FOXO3: variants seen among roughly 807,000 people sequenced by gnomAD.
FOXO3 encodes the protein forkhead box O3, also known as forkhead box protein O3.
In FOXO3, 4 loss-of-function variants were observed where a neutral mutation model predicts 41.9. That is an observed-to-expected ratio of 0.10 (90% confidence interval 0.05 to 0.22). The LOEUF (loss-of-function observed/expected upper bound fraction) is 0.22. Among genes scored for constraint, FOXO3 ranks in the 10% least tolerant of loss-of-function variants. The pLI, the probability that FOXO3 is intolerant of heterozygous loss-of-function variation, is 1.00. For missense variants in FOXO3, 534 were observed against 906.8 expected, an observed-to-expected ratio of 0.59 and a Z score of 5.28; for synonymous variants, 318 against 389.3, an observed-to-expected ratio of 0.82 and a Z score of 2.16.
rs905630237 is a variant in FOXO3, at chr6:108,664,870, A to G, written c.*15A>G. The stretch of plus-strand genomic sequence containing the variant: ...TGCCAGGCTGAAGGATCACTGAGGA[A>G]GGGGAAGTGGGCAAAGCAGGTCAGT... On this transcript the variant is annotated 3_prime_UTR_variant, in exon 2 of 3. Transcript: ENST00000406360. The G allele has an allele frequency of 1.9e-6, 3 of 1,594,658 alleles. No individual in the cohort carries two copies. Among genetic ancestry groups the G allele is most frequent in the Non-Finnish European group, 8.5e-7 (1 of 1,170,052 alleles).
upstream of FOXO3, among the ~76,000 whole-genome samples, chr6:108,560,566 T>G (rs1775744213): frequency 6.7e-6 from 1 of 150,052 alleles, no homozygotes; most frequent in East Asian, 2.0e-4. Flanking sequence ...TTCGACCGGG[T>G]GGGGGGTGAC....
At chr6:108,579,455 G>A (rs1047862999) in intron 1 of FOXO3, among the ~76,000 whole-genome samples, 2 of 152,186 alleles carry the variant, frequency 1.3e-5, no homozygotes, top group African/African-American at 4.8e-5. Context: ...CCAAAATATT[G>A]TGCTGTTAAC....
intron 1 of FOXO3, among the ~76,000 whole-genome samples, chr6:108,629,699 A>T (rs1777908290): frequency 6.6e-6 from 1 of 152,072 alleles, no homozygotes; most frequent in Non-Finnish European, 1.5e-5. Context: ...GGAGATATTA[A>T]GTAAGAAAGG....
intron 1 of FOXO3, among the ~76,000 whole-genome samples, chr6:108,653,375 C>A (rs12154031): frequency 1.3e-5 from 2 of 152,020 alleles, no homozygotes; most frequent in African/African-American, 4.8e-5. Context: ...AGACTGCACC[C>A]TGCATTTTAT....
intron 1 of FOXO3, among the ~76,000 whole-genome samples, chr6:108,639,131 C>T (rs1436312801): frequency 6.6e-6 from 1 of 152,182 alleles, no homozygotes; most frequent in African/African-American, 2.4e-5. Flanking sequence ...ACTGGAGACA[C>T]CTGGAGGCCT....
At chr6:108,573,470 G>C (rs1200190824) in intron 1 of FOXO3, among the ~76,000 whole-genome samples, 1 of 152,156 alleles carries the variant, frequency 6.6e-6, no homozygotes. Context: ...CTGTGTGCTG[G>C]TGGGAGGTGA....
chr6:108,619,294 G>A (rs1777603434), intron 1 of FOXO3, among the ~76,000 whole-genome samples: 1 of 152,194 alleles, frequency 6.6e-6, no homozygotes. Context: ...TAGGACATTT[G>A]TGATTTGAAG....
At chr6:108,560,497 C>G (rs188880118), upstream of FOXO3, among the ~76,000 whole-genome samples, 1,389 of 152,314 alleles carry the variant, frequency 9.1e-3, 91 homozygotes, top group Admixed American at 0.08. Flanking sequence ...CGTTCGCCCT[C>G]TGGCCCGCGG....
intron 1 of FOXO3, among the ~76,000 whole-genome samples, chr6:108,634,694 G>A (rs1385914576): frequency 6.6e-6 from 1 of 152,088 alleles, no homozygotes; most frequent in Non-Finnish European, 1.5e-5. Context: ...GTGGGTAGGG[G>A]ATAGATGTGA....
chr6:108,565,961 C>T (rs945633703), intron 1 of FOXO3, among the ~76,000 whole-genome samples: 4 of 152,128 alleles, frequency 2.6e-5, no homozygotes, highest in Non-Finnish European at 5.9e-5. Flanking sequence ...CACCAAAAGG[C>T]CAGTTATGGT....
At chr6:108,572,953 T>C (rs1776147295) in intron 1 of FOXO3, among the ~76,000 whole-genome samples, 1 of 152,048 alleles carries the variant, frequency 6.6e-6, no homozygotes, top group Non-Finnish European at 1.5e-5. Context: ...CTTTCCTGTC[T>C]CCTGGAGTGT....
Position 108,679,878 on chromosome 6 carries a change from C to G in FOXO3, c.*86C>G, listed in dbSNP as rs1041462783. On this transcript the variant is annotated 3_prime_UTR_variant, in exon 3 of 3. Transcript: ENST00000406360. ...GAGAAAACCCTTTGCCAAATCTGCT[C>G]TCAGCAAGTGGACAGTGATACCGTT... 6.5e-6 allele frequency: 1 copy of G among 155,012 alleles called. No individual in the cohort carries two copies. Among genetic ancestry groups the G allele is most frequent in the African/African-American group, 2.4e-5 (1 of 41,532 alleles). 9.6% of individuals were successfully genotyped at this position (155,012 alleles called of 1,614,324 possible).
At chr6:108,562,720 C>T (rs747347695) in intron 1 of FOXO3, among the ~76,000 whole-genome samples, 22 of 152,302 alleles carry the variant, frequency 1.4e-4, no homozygotes, top group African/African-American at 5.1e-4. Flanking sequence ...GAGAGACTCT[C>T]TACCGTTCCT....
intron 2 of FOXO3, among the ~76,000 whole-genome samples, chr6:108,677,926 A>T (rs920170499): frequency 4.6e-5 from 7 of 152,170 alleles, no homozygotes; most frequent in African/African-American, 1.7e-4. Flanking sequence ...TTTACAAAGC[A>T]AAGAATGCCC....
chr6:108,618,402 A>G (rs1388712689), intron 1 of FOXO3: 2 of 488,552 alleles, frequency 4.1e-6, no homozygotes, highest in Non-Finnish European at 7.5e-6. Flanking sequence ...GCAGCAGATG[A>G]AGGAGAGGGA....
chr6:108,611,455 GTGAATGTACTGT>G (rs1363187152), intron 1 of FOXO3, among the ~76,000 whole-genome samples: 1 of 152,158 alleles, frequency 6.6e-6, no homozygotes, highest in Admixed American at 6.5e-5. Flanking sequence ...GTTTTCCAGA[GTGAATGTACTGT>G]TTTGCATTTC....
At chr6:108,566,017 G>A (rs952365259) in intron 1 of FOXO3, among the ~76,000 whole-genome samples, 5 of 152,060 alleles carry the variant, frequency 3.3e-5, no homozygotes, top group Admixed American at 1.3e-4. Flanking sequence ...CCAAAATGTC[G>A]TTTTGTAATT....
At chr6:108,639,182 C>T (rs765799392) in intron 1 of FOXO3, among the ~76,000 whole-genome samples, 23 of 152,302 alleles carry the variant, frequency 1.5e-4, no homozygotes, top group Non-Finnish European at 2.1e-4. Flanking sequence ...AGAGCATTCT[C>T]CTTTCTGGCC....
At chr6:108,655,459 C>CA (rs1173050141) in intron 1 of FOXO3, among the ~76,000 whole-genome samples, 6 of 152,142 alleles carry the variant, frequency 3.9e-5, no homozygotes, top group Non-Finnish European at 5.9e-5. Flanking sequence ...ATCAGATCCT[C>CA]AGTCAATGGA....
Sources: gnomAD v4.1 joint callset for allele counts (sites outside exome capture counted in the v4.1 genomes callset) on GRCh38, gnomAD v4.1.1 for gene constraint, MANE v1.5 for transcripts, NCBI Gene and HGNC (gene_info 2026-07-23, HGNC 2026-07-21) for gene names.